COA1: variants seen among roughly 807,000 people sequenced by gnomAD.
The protein encoded by COA1 is cytochrome c oxidase assembly factor 1 homolog.
A neutral mutation model predicts 16.0 loss-of-function variants in COA1; 13 were observed. The ratio of observed to expected loss-of-function variants is 0.81; its 90% CI spans 0.53 to 1.29. The LOEUF (loss-of-function observed/expected upper bound fraction) is 1.29, where lower values mean the gene tolerates loss of function less well. Ranked by LOEUF, COA1 falls within the 50% of genes most tolerant of loss-of-function variation. COA1 has a pLI of 0.00. For synonymous variants in COA1, 65 were observed against 65.7 expected, an observed-to-expected ratio of 0.99 and a Z score of 0.05; for missense variants, 179 against 177.0, an observed-to-expected ratio of 1.01 and a Z score of -0.06.
intron 1 of COA1, among the ~76,000 whole-genome samples, chr7:43,679,826 A>T (rs1464395104): frequency 6.6e-6 from 1 of 152,244 alleles, no homozygotes; most frequent in African/African-American, 2.4e-5. Context: ...AAAGTGGATT[A>T]TCAGATGCAG....
intron 6 of COA1, among the ~76,000 whole-genome samples, chr7:43,616,936 A>C (rs1025076912): frequency 3.3e-5 from 5 of 152,190 alleles, no homozygotes; most frequent in African/African-American, 9.7e-5. Context: ...TTCGTTTTTC[A>C]TATTGTAGCC....
chr7:43,679,242 G>C (rs544926251), intron 1 of COA1, among the ~76,000 whole-genome samples: 1 of 130,810 alleles, frequency 7.6e-6, no homozygotes, highest in African/African-American at 3.0e-5. Flanking sequence ...GCTCCAGCCT[G>C]GGCAAGAGCT....
chr7:43,715,425 C>T (rs965669762), intron 1 of COA1, among the ~76,000 whole-genome samples: 1 of 150,516 alleles, frequency 6.6e-6, no homozygotes, highest in Non-Finnish European at 1.5e-5. Context: ...TTGCAGTGAG[C>T]GGAGATCGTG....
At chr7:43,713,342 A>G (rs1203492247) in intron 1 of COA1, among the ~76,000 whole-genome samples, 2 of 152,118 alleles carry the variant, frequency 1.3e-5, no homozygotes, top group African/African-American at 4.8e-5. Context: ...TGGTAAGAAC[A>G]CTCAAAAGCC....
chr7:43,625,093 T>G (rs2084361859), intron 6 of COA1: 2 of 333,694 alleles, frequency 6.0e-6, no homozygotes, highest in East Asian at 1.0e-4. Context: ...ACCTTTGAAT[T>G]CTACATCCTG....
intron 6 of COA1, among the ~76,000 whole-genome samples, chr7:43,630,471 G>GTT (rs1202865878): frequency 1.3e-5 from 2 of 152,068 alleles, no homozygotes; most frequent in Non-Finnish European, 2.9e-5. Flanking sequence ...CTAATAAATT[G>GTT]TAAGAGAAGT....
chr7:43,676,408 T>A (rs1292258947), intron 1 of COA1, among the ~76,000 whole-genome samples: 8 of 152,144 alleles, frequency 5.3e-5, no homozygotes, highest in Admixed American at 2.0e-4. Context: ...AATAGAATAC[T>A]ATTCAGCCAC....
chr7:43,634,310 T>G (rs1305844816), downstream of COA1, among the ~76,000 whole-genome samples: 1 of 152,220 alleles, frequency 6.6e-6, no homozygotes, highest in Non-Finnish European at 1.5e-5. Flanking sequence ...GTTTGAATCA[T>G]GTTTTCGTAG....
chr7:43,653,009 A>G lies in COA1; in HGVS notation c.-38-4357T>C, dbSNP rs1294110489. Among the ~76,000 whole-genome samples, 5 of 152,322 alleles carry G rather than the reference A, an allele frequency of 3.3e-5. No homozygotes were observed. The East Asian group carries it at 9.6e-4, about 29-fold the overall frequency. ...AAAATCCAAAAGGCCAAAAATAAAG[A>G]TTAAAACTTTGGCATTTAAGAAAAA... is the stretch of plus-strand genomic sequence containing the variant. On this transcript the variant is annotated intron_variant, in intron 1 of 5. Coordinates refer to ENST00000223336, the MANE Select transcript of COA1 (RefSeq NM_018224.4).
chr7:43,610,813 C>T (rs1228790816), intron 6 of COA1, among the ~76,000 whole-genome samples: 1 of 151,546 alleles, frequency 6.6e-6, no homozygotes, highest in Non-Finnish European at 1.5e-5. Context: ...CATGAAGGCG[C>T]ACTCTCAAGA....
chr7:43,669,746 T>C (rs1450799647), intron 1 of COA1, among the ~76,000 whole-genome samples: 2 of 133,988 alleles, frequency 1.5e-5, no homozygotes, highest in Non-Finnish European at 3.1e-5. Flanking sequence ...ATTAAACTTT[T>C]CACTCCTTAA....
intron 1 of COA1, among the ~76,000 whole-genome samples, chr7:43,705,539 T>C (rs1183283015): frequency 6.6e-6 from 1 of 152,104 alleles, no homozygotes; most frequent in Non-Finnish European, 1.5e-5. Context: ...CAACGGGCAG[T>C]TGGGGGAGGT....
At chr7:43,670,544 C>A (rs1584766941) in intron 1 of COA1, among the ~76,000 whole-genome samples, 1 of 152,106 alleles carries the variant, frequency 6.6e-6, no homozygotes, top group African/African-American at 2.4e-5. Context: ...CGTACTATAT[C>A]TAGATGGGAG....
At chr7:43,652,405 TAAAAC>T (rs1291644061) in intron 1 of COA1, among the ~76,000 whole-genome samples, 3 of 152,204 alleles carry the variant, frequency 2.0e-5, no homozygotes, top group Non-Finnish European at 4.4e-5. Flanking sequence ...TCCTGGTTCT[TAAAAC>T]AATCATGAAA....
At chr7:43,679,347 G>T (rs1225149402) in intron 1 of COA1, among the ~76,000 whole-genome samples, 2 of 149,086 alleles carry the variant, frequency 1.3e-5, no homozygotes, top group African/African-American at 4.9e-5. Flanking sequence ...TGAAAACTCA[G>T]CATGAAAAGC....
chr7:43,631,212 A>G (rs2085142680), intron 6 of COA1: 1 of 152,094 alleles, frequency 6.6e-6, no homozygotes. Context: ...TCATTTCACC[A>G]AATAGGAATT....
chr7:43,621,774 G>GT (rs1255281994), intron 6 of COA1, among the ~76,000 whole-genome samples: 1 of 152,104 alleles, frequency 6.6e-6, no homozygotes, highest in Non-Finnish European at 1.5e-5. Flanking sequence ...TATAATGGAA[G>GT]TACAAGCTCA....
chr7:43,636,117 G>C (rs1381219918), downstream of COA1, among the ~76,000 whole-genome samples: 1 of 152,154 alleles, frequency 6.6e-6, no homozygotes, highest in Admixed American at 6.5e-5. Flanking sequence ...CACCCAACCC[G>C]TGTCTTAGAG....
At chr7:43,634,039 T>C (rs562777289) in intron 6 of COA1, among the ~76,000 whole-genome samples, 73 of 152,354 alleles carry the variant, frequency 4.8e-4, no homozygotes, top group African/African-American at 1.7e-3. Context: ...AATTCTAAAA[T>C]TTCCATTTGA....
Sources: allele counts gnomAD v4.1 joint callset (sites outside exome capture counted in the v4.1 genomes callset), GRCh38; gene constraint gnomAD v4.1.1; transcripts MANE v1.5; gene names NCBI Gene and HGNC (gene_info 2026-07-23, HGNC 2026-07-21).